CACHD1: variants seen among roughly 807,000 people sequenced by gnomAD.
CACHD1 encodes the protein cache domain containing 1, also known as VWFA and cache domain-containing protein 1.
CACHD1 carries 71 observed loss-of-function variants against 138.7 expected under a neutral mutation model. The observed-to-expected ratio is 0.51, with a 90% CI of 0.42 to 0.62. CACHD1 has a LOEUF of 0.62. CACHD1 is among the 20% of genes least tolerant of loss of function. The pLI, the probability that CACHD1 is intolerant of heterozygous loss-of-function variation, is 0.00. For missense variants in CACHD1, 1,389 were observed against 1,625.3 expected (o/e 0.85, Z 2.50); for synonymous variants, 578 against 591.5 (o/e 0.98, Z 0.33).
At chr1:64,545,241 A>G (rs745416266) in intron 1 of CACHD1, among the ~76,000 whole-genome samples, 8 of 152,266 alleles carry the variant, frequency 5.3e-5, no homozygotes, top group Non-Finnish European at 7.3e-5. Context: ...GAAGCATAGC[A>G]TACAGAAGAA....
chr1:64,568,321 C>T (rs1646899161), intron 2 of CACHD1, among the ~76,000 whole-genome samples: 1 of 152,138 alleles, frequency 6.6e-6, no homozygotes, highest in Admixed American at 6.5e-5. Flanking sequence ...AAGCTGATAA[C>T]AACTTGGCAT....
At position 64,663,825 on chromosome 1, in the gene CACHD1, C is replaced by G; in HGVS notation, c.2082C>G (p.Asn694Lys). 1 of 1,614,150 alleles carries G rather than the reference C, an allele frequency of 6.2e-7. No homozygotes were observed. The highest frequency in any genetic ancestry group is 8.5e-7 in the Non-Finnish European group (1 of 1,180,002). The stretch of plus-strand genomic sequence containing the variant: ...GCGACAACACCCGCCTCATTGCTAA[C>G]CCGGGCCTCAAAGTAAGCATTGGCG... Reference protein sequence around the residue: ...YLSDNTRLIANPGLKFSVRNE... With the variant: ...YLSDNTRLIAKPGLKFSVRNE... The change falls in exon 14 of 27, where the codon AAC becomes AAG. Residue 694 changes from asparagine (N) to lysine (K), a missense_variant. Around this residue, in one of 5 missense-constraint regions of CACHD1, gnomAD observed 1,000 missense variants for 1,114.7 expected, o/e 0.90. Transcript: ENST00000651257.
At chr1:64,582,700 T>C (rs907266840) in intron 3 of CACHD1, among the ~76,000 whole-genome samples, 1 of 152,186 alleles carries the variant, frequency 6.6e-6, no homozygotes, top group Non-Finnish European at 1.5e-5. Context: ...ATTCCTTACT[T>C]TAGTAGATAC....
chr1:64,523,799 G>T (rs1646516018), intron 1 of CACHD1, among the ~76,000 whole-genome samples: 2 of 145,866 alleles, frequency 1.4e-5, no homozygotes, highest in Non-Finnish European at 3.0e-5. Flanking sequence ...TGGAGAATCT[G>T]CTCACTTGGG....
intron 2 of CACHD1, among the ~76,000 whole-genome samples, chr1:64,577,457 G>A (rs1013093741): frequency 1.3e-5 from 2 of 152,180 alleles, no homozygotes; most frequent in Non-Finnish European, 2.9e-5. Flanking sequence ...AATGTGGGGA[G>A]AGGGTTGATC....
chr1:64,682,360 C>T (rs771509640), intron 26 of CACHD1, among the ~76,000 whole-genome samples: 1 of 152,112 alleles, frequency 6.6e-6, no homozygotes, highest in Non-Finnish European at 1.5e-5. Context: ...CTTGCTTTTC[C>T]ATAAAATCAG....
intron 3 of CACHD1, among the ~76,000 whole-genome samples, chr1:64,597,141 C>G (rs1647159676): frequency 6.6e-6 from 1 of 152,094 alleles, no homozygotes; most frequent in Non-Finnish European, 1.5e-5. Context: ...TAAACTGGGA[C>G]TCCACTGAAA....
Position 64,679,599 on chromosome 1 carries a change from T to G in CACHD1, c.3249T>G (p.Asp1083Glu). ...CTTCTTGCTCTTTCACTGAAGGTGA[T>G]GAGGTGATCACATTAAACATGATTA... ...PYVDDMGAIGDEVITLNMIKS... is the reference protein window; with the variant it reads ...PYVDDMGAIGEEVITLNMIKS... Residue 1083 changes from aspartate (D) to glutamate (E), a missense_variant, in exon 24 of 27, where the codon GAT becomes GAG. Coordinates refer to ENST00000651257, the MANE Select transcript of CACHD1 (RefSeq NM_020925.4). 1 of 1,614,050 alleles carries G rather than the reference T, an allele frequency of 6.2e-7. No individual in the cohort carries two copies. The highest frequency in any genetic ancestry group is 8.5e-7 in the Non-Finnish European group (1 of 1,179,970).
intron 1 of CACHD1, among the ~76,000 whole-genome samples, chr1:64,514,871 GT>G (rs1230756053): frequency 1.3e-5 from 2 of 152,138 alleles, no homozygotes; most frequent in Non-Finnish European, 2.9e-5. Flanking sequence ...ATCCAAATTT[GT>G]TTTTAGTAAT....
intron 24 of CACHD1, 57 bp downstream of exon 24, chr1:64,679,813 C>T (rs1017778203): frequency 1.8e-5 from 29 of 1,585,534 alleles, no homozygotes; most frequent in Non-Finnish European, 2.2e-5. Context: ...AGGACAGTGG[C>T]GGGTTGTGTA....
chr1:64,664,910 T>A (rs1649579794), intron 15 of CACHD1, among the ~76,000 whole-genome samples: 1 of 152,234 alleles, frequency 6.6e-6, no homozygotes, highest in African/African-American at 2.4e-5. Flanking sequence ...AAATTCTTTA[T>A]GCTTGGCAAT....
At chr1:64,540,604 C>T (rs910710467) in intron 1 of CACHD1, among the ~76,000 whole-genome samples, 7 of 152,098 alleles carry the variant, frequency 4.6e-5, no homozygotes, top group African/African-American at 1.4e-4. Flanking sequence ...GAAGTGTTTC[C>T]GTCTTGGTTT....
At chr1:64,643,171 G>A (rs1648785258) in intron 8 of CACHD1, among the ~76,000 whole-genome samples, 1 of 151,124 alleles carries the variant, frequency 6.6e-6, no homozygotes, top group South Asian at 2.1e-4. Flanking sequence ...GGGACAGTGG[G>A]CCTCATATTC....
intron 2 of CACHD1, among the ~76,000 whole-genome samples, chr1:64,566,953 G>A (rs1287418853): frequency 6.6e-6 from 1 of 152,090 alleles, no homozygotes; most frequent in African/African-American, 2.4e-5. Flanking sequence ...TTATTGCAGA[G>A]AGTAAATGGT....
rs1219782013 is a variant in CACHD1 at position 64,620,567 on chromosome 1, G to A, written c.518-8788G>A. 3.9e-5 allele frequency among the ~76,000 whole-genome samples: 6 copies of A among 152,064 alleles called. No individual in the cohort carries two copies. The East Asian group carries it at 5.8e-4, about 15-fold the overall frequency. On this transcript the variant is annotated intron_variant, in intron 4 of 26. Transcript: ENST00000651257. ...TCCACAGTGTACTTTTCATGCCAGC[G>A]ATGTTTGCCATCAAAGAAATCATGG...
chr1:64,626,579 G>A (rs552131486), intron 4 of CACHD1, among the ~76,000 whole-genome samples: 5 of 152,330 alleles, frequency 3.3e-5, no homozygotes, highest in South Asian at 2.1e-4. Flanking sequence ...CTGGCTTCCT[G>A]TCTTGCTAAT....
intron 12 of CACHD1, among the ~76,000 whole-genome samples, chr1:64,655,449 G>T (rs1480152812): frequency 6.6e-6 from 1 of 152,070 alleles, no homozygotes; most frequent in Non-Finnish European, 1.5e-5. Flanking sequence ...CATCCAGTTG[G>T]TTTTTTTCAG....
intron 16 of CACHD1, 139 bp downstream of exon 16, chr1:64,666,306 C>T: frequency 3.8e-6 from 2 of 524,262 alleles, no homozygotes; most frequent in Non-Finnish European, 6.7e-6. Context: ...ATTTGAACAT[C>T]TTCTCTTTCT....
At chr1:64,481,202 T>C (rs1202591905) in intron 1 of CACHD1, among the ~76,000 whole-genome samples, 1 of 152,190 alleles carries the variant, frequency 6.6e-6, no homozygotes, top group Non-Finnish European at 1.5e-5. Flanking sequence ...TAAATTCTTA[T>C]CTTGTACATG....
Sources: gnomAD v4.1 joint callset for allele counts (sites outside exome capture counted in the v4.1 genomes callset) on GRCh38, gnomAD v4.1.1 for gene constraint, gnomAD v4.1.1 regional missense constraint, MANE v1.5 for transcripts, NCBI Gene and HGNC (gene_info 2026-07-23, HGNC 2026-07-21) for gene names.